PRTG: variants seen among roughly 807,000 people sequenced by gnomAD.
PRTG encodes protogenin, also known as immunoglobulin superfamily, DCC subclass, member 5.
Under a neutral mutation model 122.5 loss-of-function variants are expected in PRTG, and 67 were observed. That is an observed-to-expected ratio of 0.55 (90% CI 0.45 to 0.67). The LOEUF is 0.67. Ranked by LOEUF, PRTG falls within the 30% of genes least tolerant of loss-of-function variation. The pLI, the probability that PRTG is intolerant of heterozygous loss-of-function variation, is 0.00. For missense variants in PRTG, 1,435 were observed against 1,415.4 expected (o/e 1.01, Z -0.22); for synonymous variants, 554 against 501.1 (o/e 1.11, Z -1.41).
At chr15:55,725,983 T>C (rs570279795) in intron 2 of PRTG, among the ~76,000 whole-genome samples, 3 of 151,906 alleles carry the variant, frequency 2.0e-5, no homozygotes, top group Non-Finnish European at 4.4e-5. Context: ...CTCACTCTGT[T>C]GCGAGGCTGG....
chr15:55,636,732 C>T (rs563072838), intron 15 of PRTG, among the ~76,000 whole-genome samples: 6 of 151,918 alleles, frequency 3.9e-5, no homozygotes, highest in South Asian at 2.1e-4. Context: ...AATGCAACTC[C>T]GCCTCCTGGG....
intron 9 of PRTG, among the ~76,000 whole-genome samples, chr15:55,674,875 C>G (rs1173260154): frequency 2.0e-5 from 3 of 151,984 alleles, no homozygotes; most frequent in Non-Finnish European, 4.4e-5. Context: ...AAGACAGATC[C>G]CTTCTTTTAC....
Position 55,683,815 on chromosome 15 carries a change from G to A in PRTG, c.514C>T (p.Arg172Trp), listed in dbSNP as rs773082745. 25 of 1,613,624 alleles carry A rather than the reference G, an allele frequency of 1.5e-5. No individual in the cohort carries two copies. The highest frequency in any genetic ancestry group is 3.3e-5 in the South Asian group (3 of 91,040). The change falls in exon 3 of 20, where the codon CGG (arginine) becomes TGG (tryptophan). Residue 172 changes from arginine (R) to tryptophan (W), a missense_variant. Transcript: ENST00000389286. Reference sequence around the variant, plus strand: ...TCCATAGTCATAGGTAGAGTTGTCCGATTGAACTCCCATGTTATGACTGCA... The same window carrying A: ...TCCATAGTCATAGGTAGAGTTGTCCAATTGAACTCCCATGTTATGACTGCA... ...PPAVITWEFN[R>W]TTLPMTMDRI... is the part of the protein sequence containing the mutation.
intron 11 of PRTG, among the ~76,000 whole-genome samples, chr15:55,654,121 C>T (rs1028456181): frequency 6.6e-6 from 1 of 152,144 alleles, no homozygotes; most frequent in African/African-American, 2.4e-5. Context: ...CTTCTACGTA[C>T]TTCTCTAATG....
At chr15:55,635,560 CAATA>C (rs2141728192) in intron 15 of PRTG, among the ~76,000 whole-genome samples, 1 of 152,296 alleles carries the variant, frequency 6.6e-6, no homozygotes, top group South Asian at 2.1e-4. Flanking sequence ...TGTTAGGCAG[CAATA>C]GATAACCGAT....
chr15:55,700,915 C>T (rs191139923), intron 2 of PRTG, among the ~76,000 whole-genome samples: 106 of 152,268 alleles, frequency 7.0e-4, no homozygotes, highest in East Asian at 1.9e-4. Flanking sequence ...GTATACACAA[C>T]GCTCAAAACT....
chr15:55,731,364 TTC>T (rs2031224631), intron 2 of PRTG, among the ~76,000 whole-genome samples: 2 of 131,916 alleles, frequency 1.5e-5, no homozygotes, highest in South Asian at 2.4e-4. Flanking sequence ...CACCTTATCA[TTC>T]TTTTTTTTTT....
At chr15:55,671,613 C>T (rs1362005885) in intron 11 of PRTG, among the ~76,000 whole-genome samples, 3 of 152,150 alleles carry the variant, frequency 2.0e-5, no homozygotes, top group Non-Finnish European at 4.4e-5. Context: ...ATTTTCCTGC[C>T]TCAGCCTCCC....
intron 2 of PRTG, among the ~76,000 whole-genome samples, chr15:55,734,762 C>A (rs1480498326): frequency 2.6e-5 from 4 of 151,828 alleles, no homozygotes; most frequent in East Asian, 3.9e-4. Flanking sequence ...AAAAAACACA[C>A]AAGGAATGTA....
In PRTG at chr15:55,628,905, T is replaced by A. The variant is rs1233118781; in HGVS notation, c.2723A>T (p.Asn908Ile). The change falls in exon 16 of 20, where the codon AAT (asparagine) becomes ATT (isoleucine). Residue 908 changes from asparagine to isoleucine, a missense_variant. Transcript: ENST00000389286. ...SNEVGEGPFS[N>I]SVELAVLPKE... ...TGGAAGTACTGCCAGCTCCACAGAA[T>A]TTGAAAAGGGTCCTTCTCCCACCTC... 1 of 1,614,074 alleles carries A rather than the reference T, an allele frequency of 6.2e-7. No homozygotes were observed. The highest frequency in any genetic ancestry group is 2.2e-5 in the East Asian group (1 of 44,872).
At chr15:55,709,031 G>A (rs746708106) in intron 2 of PRTG, among the ~76,000 whole-genome samples, 11 of 149,858 alleles carry the variant, frequency 7.3e-5, no homozygotes, top group Admixed American at 5.3e-4. Flanking sequence ...ATGTAGTCCC[G>A]GCTATTAGGG....
rs531367976 is a variant in PRTG at position 55,738,290 on chromosome 15, C to G, written c.397+2092G>C. On this transcript the variant is annotated intron_variant, in intron 2 of 19. Coordinates refer to ENST00000389286, the MANE Select transcript of PRTG (RefSeq NM_173814.6). ...AAAAATCTAAAGATATTTAAAAAGC[C>G]AGTTCTGACATTTTGTTTGTTACAC... 2.4e-5 allele frequency: 10 copies of G among 409,288 alleles called. No individual in the cohort carries two copies. In the South Asian group the frequency reaches 9.9e-4, roughly 41 times the overall value. 25.4% of individuals were successfully genotyped at this position (409,288 alleles called of 1,614,324 possible).
At position 55,673,377 on chromosome 15, in the gene PRTG, C is replaced by G. The variant is rs546048889; in HGVS notation, c.1846G>C (p.Val616Leu). The G allele has an allele frequency of 3.7e-6, 6 of 1,610,210 alleles. No individual in the cohort carries two copies. The South Asian group carries it at 5.5e-5, about 15-fold the overall frequency. The change falls in exon 10 of 20, where the codon GTG (valine) becomes CTG (leucine). Residue 616 changes from valine to leucine, a missense_variant. Coordinates refer to ENST00000389286, the MANE Select transcript of PRTG (RefSeq NM_173814.6). ...TSHRTPKATSVKAPKSPELHL... is the reference protein window; with the variant it reads ...TSHRTPKATSLKAPKSPELHL... ...ACAGTCTTCAGAAATTCACCTTTCA[C>G]GCTTGTAGCTTTGGGCGTCCTATGT...
intron 2 of PRTG, among the ~76,000 whole-genome samples, chr15:55,733,943 T>C (rs2031325295): frequency 6.6e-6 from 1 of 152,182 alleles, no homozygotes; most frequent in Non-Finnish European, 1.5e-5. Flanking sequence ...TAGAAACAGT[T>C]AAAGTAACAA....
intron 2 of PRTG, among the ~76,000 whole-genome samples, chr15:55,689,797 G>A (rs997057432): frequency 2.6e-5 from 4 of 152,080 alleles, no homozygotes; most frequent in East Asian, 1.9e-4. Context: ...GCATGGCGGC[G>A]TGCACCTGTA....
At chr15:55,668,943 T>C (rs893414309) in intron 11 of PRTG, among the ~76,000 whole-genome samples, 2 of 152,190 alleles carry the variant, frequency 1.3e-5, no homozygotes, top group Non-Finnish European at 2.9e-5. Flanking sequence ...ATCGTCAATT[T>C]AATGTCTTTT....
rs1389953232 is a variant in PRTG, at chr15:55,612,976, G to C, written c.*7036C>G. On this transcript the variant is annotated 3_prime_UTR_variant, in exon 20 of 20. Coordinates refer to ENST00000389286, the MANE Select transcript of PRTG (RefSeq NM_173814.6). ...TTGCAAAGGCTGACTTGAAAAGAAA[G>C]AGTCTGTAAAATCTTTCACAGCCTC... is the stretch of plus-strand genomic sequence containing the variant. 1.3e-5 allele frequency: 2 copies of C among 151,910 alleles called. No homozygotes were observed. The highest frequency in any genetic ancestry group is 4.8e-5 in the African/African-American group (2 of 41,328). The allele number at this position is 151,910 out of a possible 1,614,324, so 9.4% of individuals were successfully genotyped here.
At position 55,684,614 on chromosome 15, in the gene PRTG, A is replaced by C. The variant is rs547553522; in HGVS notation, c.398-683T>G. 1.6e-4 allele frequency among the ~76,000 whole-genome samples: 24 copies of C among 152,312 alleles called. No individual in the cohort carries two copies. The South Asian group carries it at 2.7e-3, about 17-fold the overall frequency. On this transcript the variant is annotated intron_variant, in intron 2 of 19. Transcript: ENST00000389286. Reference sequence around the variant, plus strand: ...GTCCTGATATTAGCAATGTGTGGGAAAAACTAATCAGGATGGATAGAATAA... The same window carrying C: ...GTCCTGATATTAGCAATGTGTGGGACAAACTAATCAGGATGGATAGAATAA...
At chr15:55,696,429 G>A (rs1487514959) in intron 2 of PRTG, among the ~76,000 whole-genome samples, 1 of 152,092 alleles carries the variant, frequency 6.6e-6, no homozygotes, top group Non-Finnish European at 1.5e-5. Flanking sequence ...AAAACACAGT[G>A]GTAACTTCTT....
Sources: gnomAD v4.1 joint callset for allele counts (sites outside exome capture counted in the v4.1 genomes callset) on GRCh38, gnomAD v4.1.1 for gene constraint, MANE v1.5 for transcripts, NCBI Gene and HGNC (gene_info 2026-07-23, HGNC 2026-07-21) for gene names.